BTBD10: variants seen among roughly 807,000 people sequenced by gnomAD.
BTBD10 encodes the protein BTB/POZ domain-containing protein 10.
Under a neutral mutation model 53.2 loss-of-function variants are expected in BTBD10, and 21 were observed. The observed-to-expected ratio is 0.39, with a 90% CI of 0.28 to 0.57. BTBD10 has a LOEUF of 0.57. Among genes scored for constraint, BTBD10 ranks in the 20% least tolerant of loss-of-function variants. BTBD10 has a pLI of 0.53. For missense variants in BTBD10, 360 were observed against 594.7 expected, an observed-to-expected ratio of 0.61 and a Z score of 4.10; for synonymous variants, 149 against 192.7, an observed-to-expected ratio of 0.77 and a Z score of 1.88.
At chr11:13,400,229 C>T (rs1949679524) in intron 8 of BTBD10, among the ~76,000 whole-genome samples, 2 of 152,256 alleles carry the variant, frequency 1.3e-5, no homozygotes, top group Non-Finnish European at 2.9e-5. Context: ...TGTTTACCTA[C>T]TTAAGTCTGA....
At chr11:13,447,088 T>C (rs1950762424) in intron 1 of BTBD10, among the ~76,000 whole-genome samples, 1 of 152,180 alleles carries the variant, frequency 6.6e-6, no homozygotes, top group South Asian at 2.1e-4. Context: ...TATCCTCAAG[T>C]ATAAACTATT....
At chr11:13,438,765 T>G (rs1303242360) in intron 2 of BTBD10, among the ~76,000 whole-genome samples, 1 of 152,000 alleles carries the variant, frequency 6.6e-6, no homozygotes, top group African/African-American at 2.4e-5. Context: ...CAAATTTACC[T>G]AATGAGTATG....
intron 6 of BTBD10, among the ~76,000 whole-genome samples, chr11:13,411,869 T>C (rs1157697876): frequency 1.3e-5 from 2 of 151,944 alleles, no homozygotes; most frequent in Non-Finnish European, 2.9e-5. Context: ...TTCACTCTTG[T>C]TGCCCATGCT....
chr11:13,459,464 TGAA>T (rs1001873572), intron 1 of BTBD10, among the ~76,000 whole-genome samples: 1 of 152,152 alleles, frequency 6.6e-6, no homozygotes, highest in Non-Finnish European at 1.5e-5. Flanking sequence ...TGAACCCTGA[TGAA>T]GAATCTATTA....
chr11:13,442,455 T>C (rs1236216263), intron 2 of BTBD10, among the ~76,000 whole-genome samples: 1 of 152,204 alleles, frequency 6.6e-6, no homozygotes, highest in Non-Finnish European at 1.5e-5. Context: ...TGGGCAAGTT[T>C]ACTCATTTCG....
At chr11:13,432,590 G>A (rs72857028) in intron 2 of BTBD10, among the ~76,000 whole-genome samples, 1 of 151,354 alleles carries the variant, frequency 6.6e-6, no homozygotes, top group Non-Finnish European at 1.5e-5. Flanking sequence ...AACAAAAGGA[G>A]CAATAAAGTG....
At chr11:13,448,313 A>G (rs1168144513) in intron 1 of BTBD10, among the ~76,000 whole-genome samples, 1 of 152,112 alleles carries the variant, frequency 6.6e-6, no homozygotes, top group African/African-American at 2.4e-5. Context: ...CTTGGTGTTT[A>G]TTAGGATTCC....
chr11:13,437,535 G>A (rs1026946262), intron 2 of BTBD10, among the ~76,000 whole-genome samples: 4 of 152,272 alleles, frequency 2.6e-5, no homozygotes, highest in Middle Eastern at 3.4e-3. Flanking sequence ...TCAGAATTGT[G>A]TAAATTAATT....
At chr11:13,434,046 G>A (rs1019285097) in intron 2 of BTBD10, among the ~76,000 whole-genome samples, 5 of 151,902 alleles carry the variant, frequency 3.3e-5, no homozygotes, top group African/African-American at 7.3e-5. Flanking sequence ...GTCTGTTGTC[G>A]GATATATTTT....
In BTBD10 at chr11:13,463,196, T is replaced by C. The variant is rs551677152; in HGVS notation, c.-162A>G. 6.7e-6 allele frequency: 1 copy of C among 150,158 alleles called. No homozygotes were observed. Among genetic ancestry groups the C allele is most frequent in the Non-Finnish European group, 1.5e-5 (1 of 67,630 alleles). 9.3% of individuals were successfully genotyped at this position (150,158 alleles called of 1,614,324 possible). A position where few individuals can be genotyped will look rare whatever the true frequency, so the allele number is the denominator to read the frequency against. On this transcript the variant is annotated 5_prime_UTR_variant, in exon 1 of 9. Transcript: ENST00000278174. Reference sequence around the variant, plus strand: ...TCAGCCAGATCCCTCCGGAGGTGGCTGTGGAGGAAGCCACTGAGGCGGCTG... The same window carrying C: ...TCAGCCAGATCCCTCCGGAGGTGGCCGTGGAGGAAGCCACTGAGGCGGCTG...
At chr11:13,442,570 T>C (rs2134026428) in intron 2 of BTBD10, among the ~76,000 whole-genome samples, 2 of 152,260 alleles carry the variant, frequency 1.3e-5, no homozygotes, top group Admixed American at 1.3e-4. Context: ...GTCCTCCATC[T>C]ACCTAATACT....
chr11:13,412,592 C>T (rs1949984427), intron 6 of BTBD10, among the ~76,000 whole-genome samples: 2 of 152,182 alleles, frequency 1.3e-5, no homozygotes, highest in Non-Finnish European at 2.9e-5. Context: ...CATCTTTACT[C>T]CAGAAACCTC....
At chr11:13,459,948 A>T (rs1352466537) in intron 1 of BTBD10, among the ~76,000 whole-genome samples, 1 of 152,248 alleles carries the variant, frequency 6.6e-6, no homozygotes, top group Admixed American at 6.5e-5. Flanking sequence ...ACAAGTAAAG[A>T]CGAAAATAAT....
chr11:13,396,120 T>C (rs1303227352), intron 8 of BTBD10, among the ~76,000 whole-genome samples: 1 of 152,168 alleles, frequency 6.6e-6, no homozygotes, highest in Non-Finnish European at 1.5e-5. Context: ...ATCTGTAAAT[T>C]ACCTTGAGCA....
intron 5 of BTBD10, among the ~76,000 whole-genome samples, chr11:13,416,909 C>T (rs1445510016): frequency 3.9e-5 from 6 of 152,048 alleles, no homozygotes; most frequent in African/African-American, 9.7e-5. Flanking sequence ...TGCTTGAGCC[C>T]GGGAGGTTGA....
chr11:13,440,197 A>G (rs1950619819), intron 2 of BTBD10: 1 of 1,396,094 alleles, frequency 7.2e-7, no homozygotes, highest in Admixed American at 2.5e-5. Context: ...CCCTCTACAT[A>G]TTAATTCAGT....
intron 2 of BTBD10, among the ~76,000 whole-genome samples, chr11:13,430,581 C>T (rs557461468): frequency 1.4e-4 from 21 of 152,252 alleles, no homozygotes; most frequent in Non-Finnish European, 2.4e-4. Flanking sequence ...AACAAACATT[C>T]TTAGCAGCTT....
chr11:13,414,014 T>C (rs1950029289), intron 5 of BTBD10, among the ~76,000 whole-genome samples: 1 of 152,214 alleles, frequency 6.6e-6, no homozygotes, highest in African/African-American at 2.4e-5. Context: ...TCATAAAGTT[T>C]TAAACATTTT....
intron 2 of BTBD10, among the ~76,000 whole-genome samples, chr11:13,438,557 T>C (rs1397406643): frequency 6.6e-6 from 1 of 152,120 alleles, no homozygotes; most frequent in South Asian, 2.1e-4. Context: ...GACTAAAGGA[T>C]GTTCATAATT....
Sources: allele counts gnomAD v4.1 joint callset (sites outside exome capture counted in the v4.1 genomes callset), GRCh38; gene constraint gnomAD v4.1.1; transcripts MANE v1.5; gene names NCBI Gene and HGNC (gene_info 2026-07-23, HGNC 2026-07-21).